SOWAHC: variants seen among roughly 807,000 people sequenced by gnomAD.
SOWAHC encodes the protein ankyrin repeat domain-containing protein SOWAHC.
In SOWAHC, 12 loss-of-function variants were observed where a neutral mutation model predicts 14.4. That is an observed-to-expected ratio of 0.83 (90% confidence interval 0.53 to 1.35). The LOEUF is 1.35. SOWAHC is among the 40% of genes most tolerant of loss of function. The pLI is 0.00. For synonymous variants in SOWAHC, 398 were observed against 347.0 expected (o/e 1.15, Z -1.63); for missense variants, 771 against 752.8 (o/e 1.02, Z -0.28).
chr2:109,616,966 T>C lies in SOWAHC; in HGVS notation c.*899T>C, dbSNP rs1700160079. The C allele has an allele frequency of 1.2e-5, 2 of 166,948 alleles. No individual in the cohort carries two copies. The highest frequency in any genetic ancestry group is 6.5e-5 in the Admixed American group (1 of 15,286). The allele number at this position is 166,948 out of a possible 1,614,324, so 10.3% of individuals were successfully genotyped here. A position where few individuals can be genotyped will look rare whatever the true frequency, so the allele number is the denominator to read the frequency against. The stretch of plus-strand genomic sequence containing the variant: ...GAGGATTATTTAACCATTGTTCTAT[T>C]TGGCATAACCCTATTTAATGGTGCT... On this transcript the variant is annotated 3_prime_UTR_variant, in exon 1 of 1. Transcript: ENST00000356454.
rs888615058 is a variant in SOWAHC at position 109,615,004 on chromosome 2, C to A, written c.515C>A (p.Pro172His). 5.8e-6 allele frequency: 9 copies of A among 1,544,348 alleles called. No homozygotes were observed. The highest frequency in any genetic ancestry group is 4.9e-5 in the East Asian group (2 of 40,860). ...CTACCGCGGACTCCAGCCCCGGGGC[C>A]CAGCGAGGACCTGGAGCTCCCGCCA... The part of the protein sequence containing the change: ...QPLPRTPAPG[P>H]SEDLELPPHG... Residue 172 changes from proline (P) to histidine (H), a missense_variant, in exon 1 of 1, where the codon CCC becomes CAC. Physicochemically the swap from Pro to His is moderately conservative, Grantham distance 77 (BLOSUM62 -2). Transcript: ENST00000356454.
rs1699989459 is a variant in SOWAHC, at chr2:109,614,451, G to T, written c.-39G>T. ...TGGGAGCCCGTCGCTATGGGACCGC[G>T]CTGAGCCGCCCGCTGGCGGGGGAGC... On this transcript the variant is annotated 5_prime_UTR_variant, in exon 1 of 1. Transcript: ENST00000356454. 1 of 1,206,750 alleles carries T rather than the reference G, an allele frequency of 8.3e-7. No homozygotes were observed. Among genetic ancestry groups the T allele is most frequent in the Non-Finnish European group, 1.0e-6 (1 of 970,826 alleles). The allele number at this position is 1,206,750 out of a possible 1,614,324, so 74.8% of individuals were successfully genotyped here.
At position 109,614,750 on chromosome 2, in the gene SOWAHC, G is replaced by A. The variant is rs1017504500; in HGVS notation, c.261G>A (p.Pro87=). The A allele has an allele frequency of 7.4e-6, 11 of 1,482,748 alleles. No homozygotes were observed. The highest frequency in any genetic ancestry group is 2.3e-5 in the Admixed American group (1 of 43,680). 91.8% of individuals were successfully genotyped at this position (1,482,748 alleles called of 1,614,324 possible). A position where few individuals can be genotyped will look rare whatever the true frequency, so the allele number is the denominator to read the frequency against. The change falls in exon 1 of 1, where the codon CCG becomes CCA. Residue 87 remains proline, a synonymous_variant. Coordinates refer to ENST00000356454, the MANE Select transcript of SOWAHC (RefSeq NM_023016.4). Reference sequence around the variant, plus strand: ...TCAAGAAGAGGTTCTGTGAAGGGCCGTCCGAGCCCTCCGGGGACCCGCCGC... The same window carrying A: ...TCAAGAAGAGGTTCTGTGAAGGGCCATCCGAGCCCTCCGGGGACCCGCCGC... The part of the protein sequence containing the change: ...VHLKKRFCEG[P]SEPSGDPPRI...
rs1254748081 is a variant in SOWAHC at position 109,615,491 on chromosome 2, C to T, written c.1002C>T (p.Ile334=). 6.2e-7 allele frequency: 1 copy of T among 1,613,640 alleles called. No individual in the cohort carries two copies. The highest frequency in any genetic ancestry group is 1.1e-5 in the South Asian group (1 of 91,082). ...FANKHQLPVN[I]DARTSGGYTA... ...ACAAACACCAGCTGCCGGTGAACAT[C>T]GACGCCAGGACGAGCGGGGGTTACA... Residue 334 remains isoleucine (I), a synonymous_variant, in exon 1 of 1, where the codon ATC becomes ATT. Transcript: ENST00000356454.
rs1294997122 is a variant in SOWAHC, at chr2:109,616,064, G to A, written c.1575G>A (p.Gly525=). 1 of 1,500,128 alleles carries A rather than the reference G, an allele frequency of 6.7e-7. No homozygotes were observed. The highest frequency in any genetic ancestry group is 8.9e-7 in the Non-Finnish European group (1 of 1,126,096). 92.9% of individuals were successfully genotyped at this position (1,500,128 alleles called of 1,614,324 possible). The change falls in exon 1 of 1, where the codon GGG becomes GGA. Residue 525 remains glycine (G), a synonymous_variant. Coordinates refer to ENST00000356454, the MANE Select transcript of SOWAHC (RefSeq NM_023016.4). ...FTLRPKSNVF[G] ...TGAGACCAAAGTCCAATGTATTTGG[G>A]TAAAAATTGCTTCTTTTAGAAAATG... is the stretch of plus-strand genomic sequence containing the variant.
In SOWAHC at chr2:109,615,792, G is replaced by C; in HGVS notation, c.1303G>C (p.Gly435Arg). The C allele has an allele frequency of 6.2e-7, 1 of 1,614,148 alleles. No homozygotes were observed. Among genetic ancestry groups the C allele is most frequent in the South Asian group, 1.1e-5 (1 of 91,084 alleles). ...CAAACTCTCACACGCCCTAGAAGATGGAGGGGACCATCACCACCATCACCA... is the reference window on the plus strand; with the variant it reads ...CAAACTCTCACACGCCCTAGAAGATCGAGGGGACCATCACCACCATCACCA... ...TYKLSHALED[G>R]GDHHHHHHSA... Residue 435 changes from glycine (G) to arginine (R), a missense_variant, in exon 1 of 1, where the codon GGA (glycine) becomes CGA (arginine). Coordinates refer to ENST00000356454, the MANE Select transcript of SOWAHC (RefSeq NM_023016.4).
At position 109,614,913 on chromosome 2, in the gene SOWAHC, C is replaced by G. The variant is rs1353054462; in HGVS notation, c.424C>G (p.Pro142Ala). Residue 142 changes from proline to alanine, a missense_variant, in exon 1 of 1, where the codon CCC becomes GCC. Physicochemically the swap from Pro to Ala is conservative, Grantham distance 27. Transcript: ENST00000356454. ...RELGEGEPPA[P>A]AHWPPLSAGA... is the part of the protein sequence containing the mutation. Reference sequence around the variant, plus strand: ...GCTGGGCGAGGGAGAGCCCCCCGCCCCCGCGCACTGGCCGCCCCTGAGCGC... The same window carrying G: ...GCTGGGCGAGGGAGAGCCCCCCGCCGCCGCGCACTGGCCGCCCCTGAGCGC... 3.0e-5 allele frequency: 44 copies of G among 1,467,740 alleles called. 2 individuals carry two copies. The highest frequency in any genetic ancestry group is 2.8e-4 in the African/African-American group (19 of 68,774). 90.9% of individuals were successfully genotyped at this position (1,467,740 alleles called of 1,614,324 possible).
rs1344132870 is a variant in SOWAHC at position 109,614,373 on chromosome 2, G to C, written c.-117G>C. 1 of 857,672 alleles carries C rather than the reference G, an allele frequency of 1.2e-6. No individual in the cohort carries two copies. Among genetic ancestry groups the C allele is most frequent in the Non-Finnish European group, 1.5e-6 (1 of 657,906 alleles). The allele number at this position is 857,672 out of a possible 1,614,324, so 53.1% of individuals were successfully genotyped here. A position where few individuals can be genotyped will look rare whatever the true frequency, so the allele number is the denominator to read the frequency against. On this transcript the variant is annotated 5_prime_UTR_variant, in exon 1 of 1. Transcript: ENST00000356454. ...CGAGTCCTCTGGCCTCAGACGCGTA[G>C]GCTGGCAGCCCGCTGAGCCCGCCAG... is the stretch of plus-strand genomic sequence containing the variant.
chr2:109,614,781 C>A lies in SOWAHC; in HGVS notation c.292C>A (p.Gln98Lys). 6.8e-7 allele frequency: 1 copy of A among 1,477,284 alleles called. No homozygotes were observed. 91.5% of individuals were successfully genotyped at this position (1,477,284 alleles called of 1,614,324 possible). Residue 98 changes from glutamine (Q) to lysine (K), a missense_variant, in exon 1 of 1, where the codon CAG becomes AAG. Transcript: ENST00000356454. ...SEPSGDPPRIQVTAEPEAPDG... is the reference protein window; with the variant it reads ...SEPSGDPPRIKVTAEPEAPDG... ...GCCCTCCGGGGACCCGCCGCGAATC[C>A]AGGTGACCGCCGAGCCCGAGGCCCC...
In SOWAHC at chr2:109,618,980, T is replaced by C. The variant is rs1700183504; in HGVS notation, c.*2913T>C. The C allele has an allele frequency of 6.0e-6, 1 of 167,112 alleles. No homozygotes were observed. The allele number at this position is 167,112 out of a possible 1,614,324, so 10.4% of individuals were successfully genotyped here. A position where few individuals can be genotyped will look rare whatever the true frequency, so the allele number is the denominator to read the frequency against. ...AGTTTGTTTTGTGAAAATAAAATGT[T>C]CACAGTAGAATTTTTCTCTGAATTG... On this transcript the variant is annotated 3_prime_UTR_variant, in exon 1 of 1. Coordinates refer to ENST00000356454, the MANE Select transcript of SOWAHC (RefSeq NM_023016.4).
In SOWAHC at chr2:109,617,006, C is replaced by G. The variant is rs1228595610; in HGVS notation, c.*939C>G. On this transcript the variant is annotated 3_prime_UTR_variant, in exon 1 of 1. Transcript: ENST00000356454. ...TTAATGGTGCTTAGAGCTGAATTAC[C>G]TACAGAAACTGTTTCTGGTTTAAAT... The G allele has an allele frequency of 2.4e-5, 4 of 166,906 alleles. No individual in the cohort carries two copies. Among genetic ancestry groups the G allele is most frequent in the Middle Eastern group, 3.1e-3 (1 of 318 alleles). 10.3% of individuals were successfully genotyped at this position (166,906 alleles called of 1,614,324 possible). A position where few individuals can be genotyped will look rare whatever the true frequency, so the allele number is the denominator to read the frequency against.
chr2:109,614,531 C>A lies in SOWAHC; in HGVS notation c.42C>A (p.Gly14=). The change falls in exon 1 of 1, where the codon GGC becomes GGA. Residue 14 remains glycine, a synonymous_variant. Coordinates refer to ENST00000356454, the MANE Select transcript of SOWAHC (RefSeq NM_023016.4). ...AGTGGGGCCCCGAGGCGGCGCTGGG[C>A]CCCGAGGCGGTGCTGCGCTTCCTGG... ...PAEWGPEAAL[G]PEAVLRFLAE... 7.0e-6 allele frequency: 9 copies of A among 1,286,002 alleles called. No individual in the cohort carries two copies. The highest frequency in any genetic ancestry group is 8.8e-6 in the Non-Finnish European group (9 of 1,023,716). The allele number at this position is 1,286,002 out of a possible 1,614,324, so 79.7% of individuals were successfully genotyped here. A position where few individuals can be genotyped will look rare whatever the true frequency, so the allele number is the denominator to read the frequency against.
In SOWAHC at chr2:109,615,777, C is replaced by T. The variant is rs963255914; in HGVS notation, c.1288C>T (p.His430Tyr). ...PSHLITYKLSHALEDGGDHHH... is the reference protein window; with the variant it reads ...PSHLITYKLSYALEDGGDHHH... Reference sequence around the variant, plus strand: ...GCATCTCATCACCTACAAACTCTCACACGCCCTAGAAGATGGAGGGGACCA... The same window carrying T: ...GCATCTCATCACCTACAAACTCTCATACGCCCTAGAAGATGGAGGGGACCA... Residue 430 changes from histidine to tyrosine, a missense_variant, in exon 1 of 1, where the codon CAC becomes TAC. Transcript: ENST00000356454. 3.7e-6 allele frequency: 6 copies of T among 1,613,994 alleles called. No homozygotes were observed. The highest frequency in any genetic ancestry group is 1.7e-5 in the Admixed American group (1 of 60,008).
In SOWAHC at chr2:109,614,800, AG is replaced by A; in HGVS notation, c.313del (p.Ala105ProfsTer44). 1 of 1,470,474 alleles carries A rather than the reference AG, an allele frequency of 6.8e-7. No homozygotes were observed. Among genetic ancestry groups the A allele is most frequent in the Non-Finnish European group, 9.0e-7 (1 of 1,116,386 alleles). 91.1% of individuals were successfully genotyped at this position (1,470,474 alleles called of 1,614,324 possible). On this transcript the variant is annotated frameshift_variant, in exon 1 of 1. Transcript: ENST00000356454. LOFTEE classifies it low-confidence loss of function (END_TRUNC). The part of the protein sequence containing the change: ...PPRIQVTAEP[E>X]APDGPAGPEA... Reference sequence around the variant, plus strand: ...CGAATCCAGGTGACCGCCGAGCCCGAGGCCCCCGACGGCCCTGCCGGGCCCG... The same window carrying A: ...CGAATCCAGGTGACCGCCGAGCCCGAGCCCCCGACGGCCCTGCCGGGCCCG...
rs769954927 is a variant in SOWAHC at position 109,615,654 on chromosome 2, G to A, written c.1165G>A (p.Glu389Lys). Residue 389 changes from glutamate (E) to lysine (K), a missense_variant, in exon 1 of 1, where the codon GAG (glutamate) becomes AAG (lysine). Glu to Lys is a moderately conservative substitution (Grantham distance 56, BLOSUM62 1). Transcript: ENST00000356454. Reference sequence around the variant, plus strand: ...GTACCTGAGTCGGAGCATCGCCGAGGAGATCAAGAACCTGGTGGGAGCCCT... The same window carrying A: ...GTACCTGAGTCGGAGCATCGCCGAGAAGATCAAGAACCTGGTGGGAGCCCT... Reference protein sequence around the residue: ...SQYLSRSIAEEIKNLVGALDE... With the variant: ...SQYLSRSIAEKIKNLVGALDE... 6.2e-7 allele frequency: 1 copy of A among 1,613,832 alleles called. No homozygotes were observed.
At position 109,615,889 on chromosome 2, in the gene SOWAHC, G is replaced by A. The variant is rs1476112707; in HGVS notation, c.1400G>A (p.Arg467His). The A allele has an allele frequency of 3.1e-6, 5 of 1,612,566 alleles. No homozygotes were observed. Among genetic ancestry groups the A allele is most frequent in the South Asian group, 1.1e-5 (1 of 90,878 alleles). Residue 467 changes from arginine (R) to histidine (H), a missense_variant, in exon 1 of 1, where the codon CGT (arginine) becomes CAT (histidine). Arg to His is a conservative substitution (Grantham distance 29). Coordinates refer to ENST00000356454, the MANE Select transcript of SOWAHC (RefSeq NM_023016.4). ...GRKASGSSSGRIKPRLNKIRF... is the reference protein window; with the variant it reads ...GRKASGSSSGHIKPRLNKIRF... ...AAAGCCTCGGGCAGCTCTAGTGGAC[G>A]TATAAAACCCAGACTCAACAAAATC...
At position 109,614,877 on chromosome 2, in the gene SOWAHC, C is replaced by A; in HGVS notation, c.388C>A (p.Gln130Lys). 7.0e-7 allele frequency: 1 copy of A among 1,425,192 alleles called. No individual in the cohort carries two copies. Among genetic ancestry groups the A allele is most frequent in the Non-Finnish European group, 9.1e-7 (1 of 1,101,424 alleles). The allele number at this position is 1,425,192 out of a possible 1,614,324, so 88.3% of individuals were successfully genotyped here. The change falls in exon 1 of 1, where the codon CAG becomes AAG. Residue 130 changes from glutamine (Q) to lysine (K), a missense_variant. By Grantham distance (53) the Gln-to-Lys change is moderately conservative (BLOSUM62 1). Coordinates refer to ENST00000356454, the MANE Select transcript of SOWAHC (RefSeq NM_023016.4). ...DAAAPESLPGQGRELGEGEPP... is the reference protein window; with the variant it reads ...DAAAPESLPGKGRELGEGEPP... ...GGCGGCCCCGGAGTCGCTCCCTGGA[C>A]AGGGCCGCGAGCTGGGCGAGGGAGA...
Position 109,615,965 on chromosome 2 carries a change from G to A in SOWAHC, c.1476G>A (p.Glu492=). Residue 492 remains glutamate, a synonymous_variant, in exon 1 of 1, where the codon GAG becomes GAA. Transcript: ENST00000356454. ...VHTTPSFRDP[E]QPLEGRGEEG... ...CCACACCCTCTTTCAGGGACCCAGAGCAGCCGCTGGAGGGCAGGGGGGAGG... is the reference window on the plus strand; with the variant it reads ...CCACACCCTCTTTCAGGGACCCAGAACAGCCGCTGGAGGGCAGGGGGGAGG... The A allele has an allele frequency of 1.9e-6, 3 of 1,580,232 alleles. No homozygotes were observed. The highest frequency in any genetic ancestry group is 2.6e-6 in the Non-Finnish European group (3 of 1,164,832).
chr2:109,615,658 T>A lies in SOWAHC; in HGVS notation c.1169T>A (p.Ile390Asn), dbSNP rs1371726775. The change falls in exon 1 of 1, where the codon ATC (isoleucine) becomes AAC (asparagine). Residue 390 changes from isoleucine (I) to asparagine (N), a missense_variant. Transcript: ENST00000356454. ...QYLSRSIAEEIKNLVGALDEG... is the reference protein window; with the variant it reads ...QYLSRSIAEENKNLVGALDEG... ...CTGAGTCGGAGCATCGCCGAGGAGA[T>A]CAAGAACCTGGTGGGAGCCCTGGAC... 6.2e-7 allele frequency: 1 copy of A among 1,613,848 alleles called. No individual in the cohort carries two copies. The highest frequency in any genetic ancestry group is 8.5e-7 in the Non-Finnish European group (1 of 1,179,998).
Sources: allele counts gnomAD v4.1 joint callset, GRCh38; gene constraint gnomAD v4.1.1; transcripts MANE v1.5; gene names NCBI Gene and HGNC (gene_info 2026-07-23, HGNC 2026-07-21).